PRKN: variants seen among roughly 807,000 people sequenced by gnomAD.
PRKN encodes parkin RBR E3 ubiquitin protein ligase, also known as E3 ubiquitin-protein ligase parkin.
PRKN carries 56 observed loss-of-function variants against 59.5 expected under a neutral mutation model. The ratio of observed to expected loss-of-function variants is 0.94; its 90% CI spans 0.76 to 1.18. PRKN has a LOEUF of 1.18. Ranked by LOEUF, PRKN falls within the 50% of genes most tolerant of loss-of-function variation. The pLI is 0.00. For missense variants in PRKN, 657 were observed against 596.4 expected, an observed-to-expected ratio of 1.10 and a Z score of -1.06; for synonymous variants, 250 against 222.1, an observed-to-expected ratio of 1.13 and a Z score of -1.12.
intron 6 of PRKN, among the ~76,000 whole-genome samples, chr6:161,876,468 C>T (rs992318363): frequency 6.6e-6 from 1 of 152,246 alleles, no homozygotes; most frequent in South Asian, 2.1e-4. Context: ...CATGCCGTCA[C>T]ACCCAGCTAA....
At chr6:162,214,501 T>C (rs1777552123) in intron 3 of PRKN, among the ~76,000 whole-genome samples, 1 of 152,198 alleles carries the variant, frequency 6.6e-6, no homozygotes, top group Admixed American at 6.5e-5. Flanking sequence ...TTACATTTGT[T>C]TAATTTAAAT....
intron 9 of PRKN, among the ~76,000 whole-genome samples, chr6:161,398,326 C>T (rs1016414889): frequency 2.0e-5 from 3 of 152,152 alleles, no homozygotes; most frequent in Admixed American, 6.5e-5. Flanking sequence ...ATGTTGATAA[C>T]TAAATTCACA....
chr6:161,566,151 A>T lies in PRKN; in HGVS notation c.933+3204T>A, dbSNP rs1211543469. Among the ~76,000 whole-genome samples, 1 of 152,182 alleles carries T rather than the reference A, an allele frequency of 6.6e-6. No individual in the cohort carries two copies. Among genetic ancestry groups the T allele is most frequent in the Admixed American group, 6.5e-5 (1 of 15,280 alleles). On this transcript the variant is annotated intron_variant, in intron 8 of 11. Coordinates refer to ENST00000366898, the MANE Select transcript of PRKN (RefSeq NM_004562.3). This position sits in a 1 kb window ranked among gnomAD's most constrained non-coding sequence, Gnocchi z 4.1. ...CTCTTCAGCTAAGTTCCCAGTTGCCAAAATTAAAATGTATGTATTTGCAGT... is the reference window on the plus strand; with the variant it reads ...CTCTTCAGCTAAGTTCCCAGTTGCCTAAATTAAAATGTATGTATTTGCAGT...
rs899692434 is a variant in PRKN, at chr6:161,349,178, A to G, written c.*921T>C. 4 of 222,172 alleles carry G rather than the reference A, an allele frequency of 1.8e-5. No individual in the cohort carries two copies. The highest frequency in any genetic ancestry group is 3.6e-5 in the Non-Finnish European group (4 of 111,294). 13.8% of individuals were successfully genotyped at this position (222,172 alleles called of 1,614,324 possible). A position where few individuals can be genotyped will look rare whatever the true frequency, so the allele number is the denominator to read the frequency against. On this transcript the variant is annotated 3_prime_UTR_variant, in exon 12 of 12. Transcript: ENST00000366898. The surrounding 1 kb of genome is among the most constrained non-coding windows in gnomAD (Gnocchi z 5.5). ...TAAGATTGAATATCATTTTGAAATC[A>G]TTTCTAAACGTGTTTCCTTTATAGG...
intron 6 of PRKN, among the ~76,000 whole-genome samples, chr6:161,904,289 CTTG>C (rs1380120372): frequency 2.1e-5 from 3 of 140,516 alleles, no homozygotes; most frequent in Non-Finnish European, 4.7e-5. Context: ...GGTGTGTTGG[CTTG>C]TTTTCGAATT....
At chr6:162,602,562 C>T (rs763660974) in intron 1 of PRKN, among the ~76,000 whole-genome samples, 1 of 152,054 alleles carries the variant, frequency 6.6e-6, no homozygotes, top group Non-Finnish European at 1.5e-5. Flanking sequence ...GGACACAGAG[C>T]GGTGTGGGAC....
chr6:161,995,314 C>G (rs948031077), intron 5 of PRKN, among the ~76,000 whole-genome samples: 2 of 152,034 alleles, frequency 1.3e-5, no homozygotes, highest in African/African-American at 4.8e-5. Flanking sequence ...AAGTATAGAA[C>G]TACTAGAAGA....
intron 1 of PRKN, among the ~76,000 whole-genome samples, chr6:162,709,361 C>A (rs1367569062): frequency 7.7e-6 from 1 of 129,282 alleles, no homozygotes. Flanking sequence ...GCCAAGACAT[C>A]AAGGGTCTGA....
At position 161,674,717 on chromosome 6, in the gene PRKN, A is replaced by G. The variant is rs956648380; in HGVS notation, c.872-105301T>C. On this transcript the variant is annotated intron_variant, in intron 7 of 11. Transcript: ENST00000366898. ...TATTTTTTCCTTCTTAGAGGAATAC[A>G]CAAAAAAGATACATCATATAATCTG... 1.3e-5 allele frequency among the ~76,000 whole-genome samples: 2 copies of G among 152,218 alleles called. 1 individual carries two copies. Among genetic ancestry groups the G allele is most frequent in the South Asian group, 4.1e-4 (2 of 4,828 alleles).
chr6:162,246,393 C>T (rs761190895), intron 3 of PRKN, among the ~76,000 whole-genome samples: 7 of 152,084 alleles, frequency 4.6e-5, no homozygotes, highest in Non-Finnish European at 7.4e-5. Context: ...TGATCTTGGA[C>T]ATTTGGCCTC....
chr6:161,874,898 A>G (rs1401417624), intron 6 of PRKN, among the ~76,000 whole-genome samples: 2 of 110,626 alleles, frequency 1.8e-5, no homozygotes, highest in Non-Finnish European at 3.2e-5. Flanking sequence ...TATATAATAT[A>G]TAATATATAT....
At chr6:161,536,398 T>C (rs938014044) in intron 9 of PRKN, among the ~76,000 whole-genome samples, 1 of 151,866 alleles carries the variant, frequency 6.6e-6, no homozygotes, top group African/African-American at 2.4e-5. Context: ...AATGAGGTCA[T>C]TTCCCAAACT....
intron 6 of PRKN, among the ~76,000 whole-genome samples, chr6:161,972,760 A>ACGCCT (rs1780870989): frequency 1.3e-5 from 2 of 152,108 alleles, no homozygotes; most frequent in East Asian, 3.9e-4. Context: ...GGCCGGGTGC[A>ACGCCT]GTGGCTCACG....
rs866869274 is a variant in PRKN, at chr6:161,866,431, C to T, written c.735-80523G>A. Among the ~76,000 whole-genome samples, 13 of 152,018 alleles carry T rather than the reference C, an allele frequency of 8.6e-5. 1 individual carries two copies. Among genetic ancestry groups the T allele is most frequent in the East Asian group, 7.8e-4 (4 of 5,150 alleles). On this transcript the variant is annotated intron_variant, in intron 6 of 11. Transcript: ENST00000366898. Reference sequence around the variant, plus strand: ...TCTACTAAAAATACAAAAAATTAGCCGGGCGTGGTGGCGCATGCCTGTAGT... The same window carrying T: ...TCTACTAAAAATACAAAAAATTAGCTGGGCGTGGTGGCGCATGCCTGTAGT...
chr6:162,190,955 T>G (rs1345903176), intron 4 of PRKN, among the ~76,000 whole-genome samples: 1 of 152,012 alleles, frequency 6.6e-6, no homozygotes, highest in Non-Finnish European at 1.5e-5. Context: ...TCAGTTTCAC[T>G]CTGCAGAGAC....
At chr6:162,697,784 T>C (rs1379855116) in intron 1 of PRKN, among the ~76,000 whole-genome samples, 1 of 152,218 alleles carries the variant, frequency 6.6e-6, no homozygotes, top group East Asian at 1.9e-4. Flanking sequence ...GAAAATACCA[T>C]TTTTTAGAGC....
In PRKN at chr6:162,429,176, CA is replaced by C. The variant is rs145215214; in HGVS notation, c.171+14133del. On this transcript the variant is annotated intron_variant, in intron 2 of 11. Coordinates refer to ENST00000366898, the MANE Select transcript of PRKN (RefSeq NM_004562.3). ...TTTCGCATGTTACAAGAAGTCTAAA[CA>C]AAAGCCATCTAGAACTGGCTGGGGG... Among the ~76,000 whole-genome samples, 966 of 152,272 alleles carry C rather than the reference CA, an allele frequency of 6.3e-3. 14 individuals are homozygous for C. The highest frequency in any genetic ancestry group is 0.022 in the African/African-American group (924 of 41,552).
At chr6:162,179,055 T>A (rs971917135) in intron 4 of PRKN, among the ~76,000 whole-genome samples, 4 of 152,064 alleles carry the variant, frequency 2.6e-5, no homozygotes, top group Admixed American at 2.0e-4. Flanking sequence ...ATTTTTAAAA[T>A]TTTTTTCGTA....
intron 1 of PRKN, among the ~76,000 whole-genome samples, chr6:162,471,063 C>A (rs1791711278): frequency 6.8e-6 from 1 of 147,526 alleles, no homozygotes; most frequent in Non-Finnish European, 1.5e-5. Context: ...GCCCAGCCCA[C>A]ACTCTATTTT....
Sources: gnomAD v4.1 joint callset for allele counts (sites outside exome capture counted in the v4.1 genomes callset) on GRCh38, gnomAD v4.1.1 for gene constraint, Gnocchi (gnomAD v3.1) non-coding constraint, MANE v1.5 for transcripts, NCBI Gene and HGNC (gene_info 2026-07-23, HGNC 2026-07-21) for gene names.